The following TNRC18 variants were observed in gnomAD, a reference collection of about 807,000 sequenced individuals.
The protein encoded by TNRC18 is trinucleotide repeat-containing gene 18 protein.
A neutral mutation model predicts 226.7 loss-of-function variants in TNRC18; 69 were observed. The ratio of observed to expected loss-of-function variants is 0.30; its 90% CI spans 0.25 to 0.37. TNRC18 has a LOEUF of 0.37. Ranked by LOEUF, TNRC18 falls within the 10% of genes least tolerant of loss-of-function variation. TNRC18 has a pLI of 1.00. For missense variants in TNRC18, 4,754 were observed against 4,256.6 expected, an observed-to-expected ratio of 1.12 and a Z score of -3.25; for synonymous variants, 2,449 against 1,927.6, an observed-to-expected ratio of 1.27 and a Z score of -7.09.
At chr7:5,398,132 C>G (rs1396868377) in intron 2 of TNRC18, among the ~76,000 whole-genome samples, 1 of 151,952 alleles carries the variant, frequency 6.6e-6, no homozygotes, top group Admixed American at 6.6e-5. Context: ...TCTTGGGTAG[C>G]TGGGACCACA....
Position 5,316,274 on chromosome 7 carries a change from C to CTCTTTT in TNRC18, c.6746-203_6746-202insAAAAGA, listed in dbSNP as rs1405579367. Among the ~76,000 whole-genome samples the CTCTTTT allele has an allele frequency of 8.9e-3, 774 of 86,556 alleles. 22 individuals carry two copies. Among genetic ancestry groups the CTCTTTT allele is most frequent in the African/African-American group, 0.034 (739 of 21,440 alleles). 56.8% of individuals were successfully genotyped at this position (86,556 alleles called of 152,430 possible). A position where few individuals can be genotyped will look rare whatever the true frequency, so the allele number is the denominator to read the frequency against. ...CCCGGGCAGGGCAGGAGAAATGGGT[C>CTCTTTT]TTTTTTTTTTTTTTTTTTTTTTGAG... On this transcript the variant is annotated intron_variant, in intron 24 of 29. Transcript: ENST00000430969.
chr7:5,396,219 G>A (rs375682266), intron 2 of TNRC18, among the ~76,000 whole-genome samples: 2 of 151,280 alleles, frequency 1.3e-5, no homozygotes, highest in African/African-American at 4.9e-5. Context: ...GTGGTGGCAG[G>A]CACCTGTAAT....
At chr7:5,353,148 G>A (rs1414106175) in intron 16 of TNRC18, among the ~76,000 whole-genome samples, 1 of 152,224 alleles carries the variant, frequency 6.6e-6, no homozygotes, top group Non-Finnish European at 1.5e-5. Flanking sequence ...CAGTCAAAGT[G>A]CGCTCTCTCT....
At position 5,421,223 on chromosome 7, in the gene TNRC18, G is replaced by A; in HGVS notation, c.24C>T (p.Pro8=). 1 of 1,312,896 alleles carries A rather than the reference G, an allele frequency of 7.6e-7. No homozygotes were observed. The highest frequency in any genetic ancestry group is 9.7e-7 in the Non-Finnish European group (1 of 1,027,720). 81.3% of individuals were successfully genotyped at this position (1,312,896 alleles called of 1,614,324 possible). Residue 8 remains proline, a synonymous_variant, in exon 2 of 30, where the codon CCC becomes CCT. Transcript: ENST00000430969. MDGRDFG[P]QRSVHGPPPP... ...GCGGGGGACCGTGCACGGACCGCTG[G>A]GGCCCGAAGTCTCGGCCATCCATCC...
chr7:5,356,477 T>G (rs1353162641), intron 16 of TNRC18, among the ~76,000 whole-genome samples: 1 of 152,236 alleles, frequency 6.6e-6, no homozygotes, highest in Non-Finnish European at 1.5e-5. Context: ...ACAGACGGCA[T>G]GCTTCCTGTG....
chr7:5,340,248 T>C (rs766208448), intron 18 of TNRC18, among the ~76,000 whole-genome samples: 7 of 152,144 alleles, frequency 4.6e-5, no homozygotes, highest in Non-Finnish European at 1.0e-4. Flanking sequence ...GTGAAACAGG[T>C]TCATTGCTGA....
At position 5,375,385 on chromosome 7, in the gene TNRC18, T is replaced by A. The variant is rs535355465; in HGVS notation, c.2799+649A>T. On this transcript the variant is annotated intron_variant, in intron 9 of 29. Coordinates refer to ENST00000430969, the MANE Select transcript of TNRC18 (RefSeq NM_001080495.3). The stretch of plus-strand genomic sequence containing the variant: ...AAGGACAGGCCGCTCTCCCGATTAC[T>A]AAACAGTCACATTTAGCAACCCAAG... Among the ~76,000 whole-genome samples the A allele has an allele frequency of 3.7e-4, 57 of 152,198 alleles. 1 individual carries two copies. The highest frequency in any genetic ancestry group is 1.8e-4 in the Non-Finnish European group (12 of 68,028).
At chr7:5,362,239 C>A (rs899851656) in intron 12 of TNRC18, among the ~76,000 whole-genome samples, 1 of 152,144 alleles carries the variant, frequency 6.6e-6, no homozygotes. Context: ...TGGCAGTGCT[C>A]AATTAGATGT....
At chr7:5,391,656 G>A (rs926855878) in intron 3 of TNRC18, among the ~76,000 whole-genome samples, 5 of 147,474 alleles carry the variant, frequency 3.4e-5, no homozygotes, top group African/African-American at 1.1e-4. Flanking sequence ...GACCTTGCAG[G>A]ACAAAGAAAG....
At chr7:5,356,821 A>C in intron 16 of TNRC18, 95 bp downstream of exon 16, 1 of 1,342,702 alleles carries the variant, frequency 7.4e-7, no homozygotes. Flanking sequence ...CGAGAGAGAG[A>C]GTGAGGGGCG....
At chr7:5,341,414 A>G (rs1790672390) in intron 18 of TNRC18, among the ~76,000 whole-genome samples, 1 of 88,712 alleles carries the variant, frequency 1.1e-5, no homozygotes, top group South Asian at 4.1e-4. Flanking sequence ...GCAAGACTCC[A>G]TCTCAAAAAA....
At chr7:5,413,393 G>A (rs138943709) in intron 2 of TNRC18, among the ~76,000 whole-genome samples, 1 of 151,916 alleles carries the variant, frequency 6.6e-6, no homozygotes, top group East Asian at 1.9e-4. Context: ...CTCCCCATCC[G>A]TCTTACCTGC....
chr7:5,342,918 C>T (rs1030171361), intron 18 of TNRC18, among the ~76,000 whole-genome samples: 3 of 152,180 alleles, frequency 2.0e-5, no homozygotes, highest in Non-Finnish European at 4.4e-5. Context: ...CAGCAACCAC[C>T]ACCCTAATCA....
chr7:5,388,494 C>T lies in TNRC18; in HGVS notation c.1330G>A (p.Ala444Thr), dbSNP rs1219522753. 2 of 1,349,840 alleles carry T rather than the reference C, an allele frequency of 1.5e-6. No homozygotes were observed. The highest frequency in any genetic ancestry group is 1.6e-5 in the African/African-American group (1 of 63,626). The allele number at this position is 1,349,840 out of a possible 1,614,324, so 83.6% of individuals were successfully genotyped here. Residue 444 changes from alanine to threonine, a missense_variant, in exon 5 of 30, where the codon GCC becomes ACC. Physicochemically the swap from Ala to Thr is moderately conservative, Grantham distance 58. Transcript: ENST00000430969. ...GCGCGTGTGGCCCGCACCGTGGGGG[C>T]ATCCGCGGGGGGCGGCCGCTTGAGC... ...RSLKRPPPAD[A>T]PTVRATRASP... is the part of the protein sequence containing the mutation.
chr7:5,379,965 G>C (rs548507041), intron 5 of TNRC18, among the ~76,000 whole-genome samples: 16 of 152,230 alleles, frequency 1.1e-4, no homozygotes, highest in Non-Finnish European at 2.1e-4. Context: ...CAGCTGCAAT[G>C]TCAGGGGATC....
At chr7:5,381,524 T>C (rs943593862) in intron 5 of TNRC18, among the ~76,000 whole-genome samples, 35 of 152,130 alleles carry the variant, frequency 2.3e-4, no homozygotes, top group African/African-American at 7.7e-4. Flanking sequence ...TACACAGCTA[T>C]TCTGCTTATT....
intron 2 of TNRC18, among the ~76,000 whole-genome samples, chr7:5,418,247 A>C (rs988692075): frequency 1.8e-4 from 28 of 152,188 alleles, no homozygotes; most frequent in African/African-American, 6.5e-4. Context: ...CAGGCTGTGA[A>C]TATTTTGTTC....
At chr7:5,408,930 G>A (rs1281083678) in intron 2 of TNRC18, among the ~76,000 whole-genome samples, 4 of 152,196 alleles carry the variant, frequency 2.6e-5, no homozygotes, top group Non-Finnish European at 5.9e-5. Flanking sequence ...ACTAGGGTGT[G>A]GACCAAAGGG....
At position 5,357,285 on chromosome 7, in the gene TNRC18, G is replaced by C. The variant is rs114527514; in HGVS notation, c.4834-9C>G. 1 of 1,606,020 alleles carries C rather than the reference G, an allele frequency of 6.2e-7. No homozygotes were observed. Among genetic ancestry groups the C allele is most frequent in the Non-Finnish European group, 8.5e-7 (1 of 1,175,788 alleles). ...TTCTTCTTAATCTTTAGCTGGAGAG[G>C]GAAGGTGGGTCATGGGTTAAAAGAT... On this transcript the variant is annotated splice_polypyrimidine_tract_variant and intron_variant, in intron 15 of 29. Coordinates refer to ENST00000430969, the MANE Select transcript of TNRC18 (RefSeq NM_001080495.3).
Sources: allele counts gnomAD v4.1 joint callset (sites outside exome capture counted in the v4.1 genomes callset), GRCh38; gene constraint gnomAD v4.1.1; transcripts MANE v1.5; gene names NCBI Gene and HGNC (gene_info 2026-07-23, HGNC 2026-07-21).